SEMA3C: variants seen among roughly 807,000 people sequenced by gnomAD.
SEMA3C encodes the protein semaphorin-3C.
In SEMA3C, 47 loss-of-function variants were observed where a neutral mutation model predicts 89.4. The ratio of observed to expected loss-of-function variants is 0.53; its 90% CI spans 0.42 to 0.67. The LOEUF (loss-of-function observed/expected upper bound fraction) is 0.67, where lower values mean the gene tolerates loss of function less well. SEMA3C is among the 30% of genes least tolerant of loss of function. SEMA3C has a pLI of 0.00. For missense variants in SEMA3C, 839 were observed against 929.1 expected, an observed-to-expected ratio of 0.90 and a Z score of 1.26; for synonymous variants, 310 against 320.2, an observed-to-expected ratio of 0.97 and a Z score of 0.34.
At chr7:80,843,167 TG>T (rs1043321758) in intron 2 of SEMA3C, among the ~76,000 whole-genome samples, 5 of 152,136 alleles carry the variant, frequency 3.3e-5, no homozygotes, top group African/African-American at 9.6e-5. Flanking sequence ...TTAACAACAA[TG>T]TATTACATAT....
intron 4 of SEMA3C, among the ~76,000 whole-genome samples, chr7:80,824,423 T>G (rs1789824395): frequency 6.6e-6 from 1 of 151,896 alleles, no homozygotes; most frequent in South Asian, 2.1e-4. Flanking sequence ...AAGGGGTGAG[T>G]AGATATTTCC....
intron 2 of SEMA3C, among the ~76,000 whole-genome samples, chr7:80,909,958 G>A (rs1453011369): frequency 6.6e-6 from 1 of 152,034 alleles, no homozygotes; most frequent in Non-Finnish European, 1.5e-5. Flanking sequence ...AAAAATGTAA[G>A]GTATGTTAAA....
chr7:80,771,129 T>C (rs1309800305), intron 12 of SEMA3C, among the ~76,000 whole-genome samples: 1 of 152,230 alleles, frequency 6.6e-6, no homozygotes, highest in African/African-American at 2.4e-5. Context: ...AAGTAAGACA[T>C]GGAAATTGCT....
At chr7:80,769,558 CT>C (rs1355969224) in intron 12 of SEMA3C, among the ~76,000 whole-genome samples, 2 of 152,116 alleles carry the variant, frequency 1.3e-5, no homozygotes, top group Non-Finnish European at 2.9e-5. Flanking sequence ...TAAAGATGAG[CT>C]AATAAAAAGA....
At chr7:80,905,093 T>C (rs1004183570) in intron 2 of SEMA3C, among the ~76,000 whole-genome samples, 1 of 151,012 alleles carries the variant, frequency 6.6e-6, no homozygotes, top group Non-Finnish European at 1.5e-5. Context: ...AAGAAAGACA[T>C]TTCTTGAGGT....
At chr7:80,751,381 C>T (rs762477820) in intron 15 of SEMA3C, 45 bp from the exon 16 acceptor site, 58 of 1,475,528 alleles carry the variant, frequency 3.9e-5, no homozygotes, top group Admixed American at 6.7e-5. Flanking sequence ...ATTATCACTG[C>T]CAATTACACC....
intron 2 of SEMA3C, among the ~76,000 whole-genome samples, chr7:80,833,887 T>A (rs1318074875): frequency 6.6e-6 from 1 of 152,148 alleles, no homozygotes; most frequent in Non-Finnish European, 1.5e-5. Flanking sequence ...AGTAAATGAA[T>A]GATCCAGTGA....
chr7:80,852,681 T>TC (rs1429554393), intron 2 of SEMA3C, among the ~76,000 whole-genome samples: 4 of 121,542 alleles, frequency 3.3e-5, no homozygotes, highest in Non-Finnish European at 6.6e-5. Context: ...ATAGACATTT[T>TC]TTTTTTTTTT....
At chr7:80,851,069 G>A (rs988477391) in intron 2 of SEMA3C, among the ~76,000 whole-genome samples, 3 of 151,914 alleles carry the variant, frequency 2.0e-5, no homozygotes, top group African/African-American at 7.3e-5. Context: ...TTGTCTTTTC[G>A]TTCTCTTCTG....
intron 5 of SEMA3C, among the ~76,000 whole-genome samples, chr7:80,817,920 T>G (rs1789647203): frequency 6.6e-6 from 1 of 152,186 alleles, no homozygotes; most frequent in African/African-American, 2.4e-5. Flanking sequence ...GAGCAAATAT[T>G]ATTACTGTAT....
chr7:80,825,530 C>A lies in SEMA3C; in HGVS notation c.327+1895G>T, dbSNP rs556556189. Among the ~76,000 whole-genome samples, 7 of 152,196 alleles carry A rather than the reference C, an allele frequency of 4.6e-5. No homozygotes were observed. The East Asian group carries it at 1.4e-3, about 29-fold the overall frequency. ...TAATTGTCAGAAAGCAAAACAAAAA[C>A]CCCAGAGGGTTTCTACTTTGACAAA... On this transcript the variant is annotated intron_variant, in intron 4 of 17. Transcript: ENST00000265361.
chr7:80,824,039 A>G (rs981345646), intron 4 of SEMA3C, among the ~76,000 whole-genome samples: 1 of 152,156 alleles, frequency 6.6e-6, no homozygotes, highest in African/African-American at 2.4e-5. Context: ...ATTACTACCT[A>G]AGACCAAATT....
chr7:80,745,350 ATTTCCT>A (rs758763999), intron 17 of SEMA3C, 43 bp from the exon 18 acceptor site: 1 of 1,549,330 alleles, frequency 6.5e-7, no homozygotes. Flanking sequence ...TGAACATTAT[ATTTCCT>A]TAGATTATGA....
At chr7:80,892,270 A>T (rs1433344631) in intron 2 of SEMA3C, among the ~76,000 whole-genome samples, 1 of 152,170 alleles carries the variant, frequency 6.6e-6, no homozygotes, top group Non-Finnish European at 1.5e-5. Context: ...ATTAAAAGTT[A>T]AATGCACATT....
Position 80,772,698 on chromosome 7 carries a change from G to GT in SEMA3C, c.1355-7456dup, listed in dbSNP as rs1263735338. 3.0e-3 allele frequency among the ~76,000 whole-genome samples: 424 copies of GT among 142,934 alleles called. 3 individuals carry two copies. Among genetic ancestry groups the GT allele is most frequent in the South Asian group, 7.9e-3 (36 of 4,572 alleles). 93.8% of individuals were successfully genotyped at this position (142,934 alleles called of 152,430 possible). ...TACTGGGTTAAACTAGGTTAAACATGTTTTTTTTTTTGTTTGTTTTATTTT... is the reference window on the plus strand; with the variant it reads ...TACTGGGTTAAACTAGGTTAAACATGTTTTTTTTTTTTGTTTGTTTTATTTT... On this transcript the variant is annotated intron_variant, in intron 12 of 17. Transcript: ENST00000265361.
intron 2 of SEMA3C, among the ~76,000 whole-genome samples, chr7:80,878,946 A>G (rs1282460640): frequency 1.3e-5 from 2 of 152,194 alleles, no homozygotes; most frequent in South Asian, 2.1e-4. Context: ...TAAAGAAAAG[A>G]GTATTTTCAA....
At chr7:80,904,135 G>A (rs1314236461) in intron 2 of SEMA3C, among the ~76,000 whole-genome samples, 2 of 152,150 alleles carry the variant, frequency 1.3e-5, no homozygotes, top group East Asian at 1.9e-4. Context: ...CCACCTCCTA[G>A]GTTCAAGTGA....
At chr7:80,785,039 T>G (rs879405993) in intron 12 of SEMA3C, among the ~76,000 whole-genome samples, 6 of 152,262 alleles carry the variant, frequency 3.9e-5, no homozygotes, top group Non-Finnish European at 7.4e-5. Flanking sequence ...CTCCATTTTT[T>G]CCTTTTCTTT....
rs115179503 is a variant in SEMA3C at position 80,910,495 on chromosome 7, A to C, written c.103+6184T>G. Reference sequence around the variant, plus strand: ...TTCCATGTGCCCTTCTTGCTAACTCATACTCTGAGCTACAGAACATCTTAC... The same window carrying C: ...TTCCATGTGCCCTTCTTGCTAACTCCTACTCTGAGCTACAGAACATCTTAC... On this transcript the variant is annotated intron_variant, in intron 2 of 17. Coordinates refer to ENST00000265361, the MANE Select transcript of SEMA3C (RefSeq NM_006379.5). Among the ~76,000 whole-genome samples, 770 of 152,232 alleles carry C rather than the reference A, an allele frequency of 5.1e-3. 6 individuals are homozygous for C. Among genetic ancestry groups the C allele is most frequent in the African/African-American group, 0.018 (734 of 41,542 alleles).
Sources: allele counts gnomAD v4.1 joint callset (sites outside exome capture counted in the v4.1 genomes callset), GRCh38; gene constraint gnomAD v4.1.1; transcripts MANE v1.5; gene names NCBI Gene and HGNC (gene_info 2026-07-23, HGNC 2026-07-21).